Variants in PRELID2 observed in about 807,000 individuals in gnomAD.
PRELID2 encodes the protein PRELI domain containing 2.
A neutral mutation model predicts 28.4 loss-of-function variants in PRELID2; 25 were observed. The ratio of observed to expected loss-of-function variants is 0.88; its 90% CI spans 0.64 to 1.23. The LOEUF (loss-of-function observed/expected upper bound fraction) is 1.23, where lower values mean the gene tolerates loss of function less well. PRELID2 is among the 50% of genes most tolerant of loss of function. PRELID2 has a pLI of 0.00. For synonymous variants in PRELID2, 76 were observed against 71.6 expected (o/e 1.06, Z -0.31); for missense variants, 201 against 214.4 (o/e 0.94, Z 0.39).
chr5:145,787,218 AG>A (rs1403958281), intron 5 of PRELID2, among the ~76,000 whole-genome samples: 3 of 152,252 alleles, frequency 2.0e-5, no homozygotes, highest in Non-Finnish European at 4.4e-5. Context: ...CAGCATTTGT[AG>A]TACTCTCTAA....
At chr5:145,637,270 T>A (rs976995407) in intron 1 of PRELID2, among the ~76,000 whole-genome samples, 1 of 152,126 alleles carries the variant, frequency 6.6e-6, no homozygotes, top group Non-Finnish European at 1.5e-5. Context: ...AAAAATCCAA[T>A]GAAGGAGATA....
chr5:145,760,916 A>G (rs1463255316), intron 6 of PRELID2, among the ~76,000 whole-genome samples: 3 of 152,198 alleles, frequency 2.0e-5, no homozygotes, highest in Non-Finnish European at 4.4e-5. Context: ...TATCAAAGGG[A>G]TGTGTCAACA....
At chr5:145,353,996 G>A in the PRELID2 span, among the ~76,000 whole-genome samples, 2 of 152,130 alleles carry the variant, frequency 1.3e-5, no homozygotes, top group African/African-American at 4.8e-5. Context: ...CCAAGAGTTA[G>A]GAAGAAAGGA....
At chr5:145,276,259 G>A in the PRELID2 span, among the ~76,000 whole-genome samples, 32 of 152,074 alleles carry the variant, frequency 2.1e-4, no homozygotes, top group Non-Finnish European at 8.8e-5. Context: ...TCTAAGTACC[G>A]CTGTGGTCTT....
At chr5:145,744,149 G>A (rs1756920852) in intron 1 of PRELID2, among the ~76,000 whole-genome samples, 1 of 152,184 alleles carries the variant, frequency 6.6e-6, no homozygotes, top group Non-Finnish European at 1.5e-5. Flanking sequence ...ACTCCATCCA[G>A]AGGCTCAGGG....
At chr5:145,700,390 C>A (rs565308040) in intron 1 of PRELID2, among the ~76,000 whole-genome samples, 1 of 152,086 alleles carries the variant, frequency 6.6e-6, no homozygotes, top group African/African-American at 2.4e-5. Flanking sequence ...CCTTTCCCCC[C>A]CACCACTCTC....
chr5:145,328,137 G>A, the PRELID2 span, among the ~76,000 whole-genome samples: 1 of 152,134 alleles, frequency 6.6e-6, no homozygotes, highest in African/African-American at 2.4e-5. Flanking sequence ...TGGCAGCATA[G>A]TATTCCATGG....
intron 1 of PRELID2, among the ~76,000 whole-genome samples, chr5:145,554,557 G>A (rs1752864523): frequency 1.3e-5 from 2 of 152,184 alleles, no homozygotes; most frequent in Non-Finnish European, 2.9e-5. Context: ...TCAAAGAGCT[G>A]GTTGGCAACT....
intron 4 of PRELID2, among the ~76,000 whole-genome samples, chr5:145,798,481 T>TA (rs763980210): frequency 1.3e-5 from 2 of 152,212 alleles, no homozygotes; most frequent in Non-Finnish European, 2.9e-5. Context: ...CTCAAGGACC[T>TA]AGAACTAGAA....
intron 1 of PRELID2, among the ~76,000 whole-genome samples, chr5:145,737,198 C>T (rs964573361): frequency 5.9e-5 from 9 of 151,964 alleles, no homozygotes; most frequent in East Asian, 5.9e-4. Context: ...GGCAAGCAGA[C>T]GAGACAGGCT....
intron 1 of PRELID2, among the ~76,000 whole-genome samples, chr5:145,827,421 A>G (rs1397594520): frequency 6.6e-6 from 1 of 152,242 alleles, no homozygotes; most frequent in African/African-American, 2.4e-5. Flanking sequence ...TGGTCTTTCA[A>G]TAGGATGATG....
At chr5:145,681,895 C>T (rs1235707055) in intron 1 of PRELID2, among the ~76,000 whole-genome samples, 1 of 152,210 alleles carries the variant, frequency 6.6e-6, no homozygotes, top group Non-Finnish European at 1.5e-5. Flanking sequence ...TATACCTGCT[C>T]ATGCCAAATT....
At chr5:145,425,792 T>C in the PRELID2 span, among the ~76,000 whole-genome samples, 1 of 151,932 alleles carries the variant, frequency 6.6e-6, no homozygotes, top group African/African-American at 2.4e-5. Context: ...TGGCACACAT[T>C]TAACTATGTA....
chr5:145,376,030 G>T, the PRELID2 span, among the ~76,000 whole-genome samples: 3 of 152,302 alleles, frequency 2.0e-5, no homozygotes, highest in East Asian at 1.9e-4. Flanking sequence ...TGGGCTGTGG[G>T]TTTGTCACAG....
chr5:145,375,283 G>A, the PRELID2 span, among the ~76,000 whole-genome samples: 1,459 of 152,106 alleles, frequency 9.6e-3, 18 homozygotes, highest in Non-Finnish European at 0.013. Context: ...CTCTTCATCT[G>A]GTTTGTACCT....
chr5:145,734,659 A>T (rs1202791368), intron 1 of PRELID2, among the ~76,000 whole-genome samples: 2 of 152,158 alleles, frequency 1.3e-5, no homozygotes, highest in Non-Finnish European at 2.9e-5. Flanking sequence ...CCAGAAAGAG[A>T]CCATTTATTT....
chr5:145,623,534 CA>C (rs1471231406), intron 1 of PRELID2, among the ~76,000 whole-genome samples: 1 of 151,646 alleles, frequency 6.6e-6, no homozygotes, highest in African/African-American at 2.4e-5. Flanking sequence ...CAGACTTAGA[CA>C]AACTGAAGTG....
At chr5:145,776,311 G>A (rs372938970) in intron 5 of PRELID2, among the ~76,000 whole-genome samples, 9 of 152,162 alleles carry the variant, frequency 5.9e-5, no homozygotes, top group African/African-American at 1.2e-4. Context: ...CAGATCAACC[G>A]TTGCAGTATC....
At chr5:145,453,584 T>C in the PRELID2 span, among the ~76,000 whole-genome samples, 1 of 152,106 alleles carries the variant, frequency 6.6e-6, no homozygotes, top group African/African-American at 2.4e-5. Flanking sequence ...TCTATCTACA[T>C]TAAATATTTC....
Sources: gnomAD v4.1 joint callset for allele counts (sites outside exome capture counted in the v4.1 genomes callset) on GRCh38, gnomAD v4.1.1 for gene constraint, MANE v1.5 for transcripts, NCBI Gene and HGNC (gene_info 2026-07-23, HGNC 2026-07-21) for gene names.